Variants in CLSPN observed in about 807,000 individuals in gnomAD.
The protein encoded by CLSPN is claspin, also known as claspin homolog.
A neutral mutation model predicts 156.3 loss-of-function variants in CLSPN; 85 were observed. The observed-to-expected ratio is 0.54, with a 90% CI of 0.46 to 0.65. CLSPN has a LOEUF of 0.65. Among genes scored for constraint, CLSPN ranks in the 30% least tolerant of loss-of-function variants. CLSPN has a pLI of 0.00. For missense variants in CLSPN, 1,407 were observed against 1,554.9 expected (o/e 0.90, Z 1.60); for synonymous variants, 534 against 542.4 (o/e 0.98, Z 0.22).
At chr1:35,760,052 T>G (rs899180583) in intron 8 of CLSPN, among the ~76,000 whole-genome samples, 5 of 152,148 alleles carry the variant, frequency 3.3e-5, no homozygotes, top group Non-Finnish European at 7.3e-5. Context: ...CAGGCTAGTC[T>G]CAAACTCCTG....
At chr1:35,724,057 G>A (rs1641128155) in intron 24 of CLSPN, among the ~76,000 whole-genome samples, 2 of 152,286 alleles carry the variant, frequency 1.3e-5, no homozygotes, top group South Asian at 4.1e-4. Flanking sequence ...GAGCCAGGAG[G>A]CAAAAGTAGT....
downstream of CLSPN, among the ~76,000 whole-genome samples, chr1:35,728,963 CACACACACACACACACA>C (rs2148607845): frequency 6.6e-6 from 1 of 150,814 alleles, no homozygotes; most frequent in East Asian, 1.9e-4. Flanking sequence ...CACACACACA[CACACACACACACACACA>C]CGCCTTTCCT....
Position 35,753,834 on chromosome 1 carries a change from C to G in CLSPN, c.1682G>C (p.Gly561Ala). 6.2e-7 allele frequency: 1 copy of G among 1,614,136 alleles called. No individual in the cohort carries two copies. The highest frequency in any genetic ancestry group is 8.5e-7 in the Non-Finnish European group (1 of 1,180,006). ...TTTTAGCTCTTCCTTTCCATCAGTG[C>G]CCATGTCTTTCACTATGACGTTCAC... ...VNVNVIVKDM[G>A]TDGKEELKAD... The change falls in exon 9 of 25, where the codon GGC becomes GCC. Residue 561 changes from glycine to alanine, a missense_variant. Physicochemically the swap from Gly to Ala is moderately conservative, Grantham distance 60. Transcript: ENST00000318121.
intron 18 of CLSPN, among the ~76,000 whole-genome samples, chr1:35,741,816 T>C (rs1054811890): frequency 3.3e-5 from 5 of 151,022 alleles, no homozygotes; most frequent in African/African-American, 1.2e-4. Flanking sequence ...CTACTAAATA[T>C]ACAAAAATTA....
chr1:35,761,071 TATA>T (rs759421505), intron 7 of CLSPN, 22 bp downstream of exon 7: 7 of 1,535,262 alleles, frequency 4.6e-6, no homozygotes, highest in Middle Eastern at 1.7e-4. Flanking sequence ...TCATGAAAAT[TATA>T]ATAAGGAAAG....
At chr1:35,759,990 T>C (rs1557520201) in intron 8 of CLSPN, among the ~76,000 whole-genome samples, 1 of 152,014 alleles carries the variant, frequency 6.6e-6, no homozygotes, top group Non-Finnish European at 1.5e-5. Flanking sequence ...CGTGCCACCA[T>C]GCCCGGCTAA....
chr1:35,745,977 T>C (rs1383104863), intron 15 of CLSPN, among the ~76,000 whole-genome samples: 1 of 151,920 alleles, frequency 6.6e-6, no homozygotes, highest in African/African-American at 2.4e-5. Context: ...AGACAGTCTC[T>C]CTCTGTTGCC....
intron 8 of CLSPN, 24 bp from the exon 9 acceptor site, chr1:35,753,960 T>C: frequency 6.2e-7 from 1 of 1,610,454 alleles, no homozygotes; most frequent in South Asian, 1.1e-5. Flanking sequence ...CCAACCAGTG[T>C]GTCAGTTTGC....
rs1361369332 is a variant in CLSPN, at chr1:35,732,561, T to A, written c.*3935A>T. The A allele has an allele frequency of 1.0e-6, 1 of 985,252 alleles. No individual in the cohort carries two copies. The highest frequency in any genetic ancestry group is 1.2e-6 in the Non-Finnish European group (1 of 829,912). The allele number at this position is 985,252 out of a possible 1,614,324, so 61.0% of individuals were successfully genotyped here. ...TTAATGAGATGAAATTAGAGACCTG[T>A]TTAAAGAGGTTAATACCATGTATCC... On this transcript the variant is annotated 3_prime_UTR_variant, in exon 25 of 25. Coordinates refer to ENST00000318121, the MANE Select transcript of CLSPN (RefSeq NM_022111.4).
At chr1:35,728,501 A>G (rs949489021), downstream of CLSPN, among the ~76,000 whole-genome samples, 1 of 152,186 alleles carries the variant, frequency 6.6e-6, no homozygotes, top group African/African-American at 2.4e-5. Context: ...CTGGATCCTC[A>G]GTGTTCTTTT....
intron 12 of CLSPN, chr1:35,748,849 A>G: frequency 2.5e-6 from 1 of 396,704 alleles, no homozygotes; most frequent in Non-Finnish European, 4.5e-6. Flanking sequence ...TTTTTTTGAG[A>G]CAGTCTCGCT....
At position 35,748,412 on chromosome 1, in the gene CLSPN, G is replaced by C; in HGVS notation, c.2465C>G (p.Ala822Gly). Reference protein sequence around the residue: ...GLFRASLVSSASKSSGKLSEP... With the variant: ...GLFRASLVSSGSKSSGKLSEP... ...AAACCATTACCATCTTACCTTAGAA[G>C]CTGAGCTGACCAAACTGGCTCGAAA... The change falls in exon 13 of 25, where the codon GCT becomes GGT. Residue 822 changes from alanine to glycine, a missense_variant. Physicochemically the swap from Ala to Gly is moderately conservative, Grantham distance 60. Transcript: ENST00000318121. 6.2e-7 allele frequency: 1 copy of C among 1,613,776 alleles called. No individual in the cohort carries two copies. Among genetic ancestry groups the C allele is most frequent in the Non-Finnish European group, 8.5e-7 (1 of 1,179,682 alleles).
In CLSPN at chr1:35,737,325, G is replaced by A. The variant is rs375983992; in HGVS notation, c.3747+14C>T. 6.9e-5 allele frequency: 111 copies of A among 1,608,216 alleles called. No homozygotes were observed. Among genetic ancestry groups the A allele is most frequent in the Non-Finnish European group, 9.3e-5 (109 of 1,174,854 alleles). On this transcript the variant is annotated intron_variant, in intron 23 of 24. Transcript: ENST00000318121. ...GTAGACTATGATGTCAGATTAACAA[G>A]GTTCCCAACCAACCTGTTGAGCACT... is the stretch of plus-strand genomic sequence containing the variant.
chr1:35,738,515 A>G lies in CLSPN; in HGVS notation c.3498T>C (p.Asp1166=). 6.2e-7 allele frequency: 1 copy of G among 1,613,946 alleles called. No homozygotes were observed. Among genetic ancestry groups the G allele is most frequent in the South Asian group, 1.1e-5 (1 of 91,076 alleles). The change falls in exon 21 of 25, where the codon GAT becomes GAC. Residue 1166 remains aspartate, a synonymous_variant. Coordinates refer to ENST00000318121, the MANE Select transcript of CLSPN (RefSeq NM_022111.4). ...CCTTCCTCCACCTGGCTTCTGACTC[A>G]TCAAGCTGTTCTTCAGTCTGATCAT... The part of the protein sequence containing the change: ...SDDDQTEEQL[D]ESEARWRKER...
intron 1 of CLSPN, among the ~76,000 whole-genome samples, chr1:35,765,544 T>A (rs964839423): frequency 1.3e-5 from 2 of 152,004 alleles, no homozygotes; most frequent in African/African-American, 2.4e-5. Flanking sequence ...ACTCTTTTAG[T>A]AACGGTAAAA....
chr1:35,760,313 G>T, intron 8 of CLSPN, 29 bp downstream of exon 8: 1 of 1,564,870 alleles, frequency 6.4e-7, no homozygotes, highest in South Asian at 1.2e-5. Flanking sequence ...AATCACTCCA[G>T]GGAGGCTCCC....
In CLSPN at chr1:35,760,760, G is replaced by A. The variant is rs1642447142; in HGVS notation, c.1161C>T (p.Thr387=). The part of the protein sequence containing the change: ...TNALPVVSKE[T]QIITGSDESC... ...ACTCATCTGATCCAGTAATGATCTG[G>A]GTTTCCTTTGAAACTACAGGGAGTG... Residue 387 remains threonine, a synonymous_variant, in exon 8 of 25, where the codon ACC becomes ACT. Coordinates refer to ENST00000318121, the MANE Select transcript of CLSPN (RefSeq NM_022111.4). 1.2e-6 allele frequency: 2 copies of A among 1,613,602 alleles called. No homozygotes were observed. Among genetic ancestry groups the A allele is most frequent in the Admixed American group, 1.7e-5 (1 of 59,976 alleles).
At chr1:35,740,312 G>A (rs968900936) in intron 18 of CLSPN, among the ~76,000 whole-genome samples, 1 of 152,056 alleles carries the variant, frequency 6.6e-6, no homozygotes, top group African/African-American at 2.4e-5. Context: ...GAATAAATCT[G>A]GTGTCACCCT....
Position 35,732,292 on chromosome 1 carries a change from A to G in CLSPN, c.*4204T>C. 1 of 985,278 alleles carries G rather than the reference A, an allele frequency of 1.0e-6. No homozygotes were observed. Among genetic ancestry groups the G allele is most frequent in the East Asian group, 1.1e-4 (1 of 8,826 alleles). The allele number at this position is 985,278 out of a possible 1,614,324, so 61.0% of individuals were successfully genotyped here. On this transcript the variant is annotated 3_prime_UTR_variant, in exon 25 of 25. Transcript: ENST00000318121. Reference sequence around the variant, plus strand: ...ACTCTCCTCTATCCTTAGGAGCACAAATCCCAGGACAGGATGCCACAAGAG... The same window carrying G: ...ACTCTCCTCTATCCTTAGGAGCACAGATCCCAGGACAGGATGCCACAAGAG...
Sources: gnomAD v4.1 joint callset for allele counts (sites outside exome capture counted in the v4.1 genomes callset) on GRCh38, gnomAD v4.1.1 for gene constraint, MANE v1.5 for transcripts, NCBI Gene and HGNC (gene_info 2026-07-23, HGNC 2026-07-21) for gene names.